The following PDGFRA variants were observed in gnomAD, a reference collection of about 807,000 sequenced individuals.
PDGFRA encodes platelet derived growth factor receptor alpha.
Under a neutral mutation model 121.5 loss-of-function variants are expected in PDGFRA, and 25 were observed. That is an observed-to-expected ratio of 0.21 (90% CI 0.15 to 0.29). The LOEUF (loss-of-function observed/expected upper bound fraction) is 0.29. PDGFRA is among the 10% of genes least tolerant of loss of function. PDGFRA has a pLI of 1.00. For synonymous variants in PDGFRA, 463 were observed against 494.8 expected, an observed-to-expected ratio of 0.94 and a Z score of 0.85; for missense variants, 1,008 against 1,345.1, an observed-to-expected ratio of 0.75 and a Z score of 3.92.
chr4:54,266,337 C>T (rs2110261962), intron 5 of PDGFRA, among the ~76,000 whole-genome samples: 1 of 151,944 alleles, frequency 6.6e-6, no homozygotes, highest in South Asian at 2.1e-4. Flanking sequence ...CTTCCCAGAG[C>T]ATCACTGTTT....
intron 8 of PDGFRA, among the ~76,000 whole-genome samples, chr4:54,271,807 CTTTGCCTTT>C: frequency 1.4e-5 from 2 of 141,404 alleles, no homozygotes; most frequent in African/African-American, 5.2e-5. Context: ...TCTCTCTTTT[CTTTGCCTTT>C]CTCTCCTTCC....
At chr4:54,255,754 C>T (rs4422471) in intron 1 of PDGFRA, among the ~76,000 whole-genome samples, 26,664 of 152,050 alleles carry the variant, frequency 0.18, 2,648 homozygotes, top group Admixed American at 0.3. Context: ...ATCTGCCCGC[C>T]TCAGCCTCCC....
chr4:54,264,172 G>T, intron 4 of PDGFRA: 1 of 557,112 alleles, frequency 1.8e-6, no homozygotes, highest in Non-Finnish European at 3.1e-6. Flanking sequence ...AATACTGTAA[G>T]GAATTCTTTT....
At chr4:54,248,827 G>A (rs1721863185) in intron 1 of PDGFRA, among the ~76,000 whole-genome samples, 4 of 152,056 alleles carry the variant, frequency 2.6e-5, no homozygotes, top group Admixed American at 1.3e-4. Flanking sequence ...ATCTGACAAA[G>A]GGCTAATATC....
chr4:54,293,780 G>A (rs1233902698), intron 22 of PDGFRA, among the ~76,000 whole-genome samples: 1 of 152,132 alleles, frequency 6.6e-6, no homozygotes, highest in African/African-American at 2.4e-5. Context: ...AGGCAGGACT[G>A]AGAATCACTG....
intron 9 of PDGFRA, among the ~76,000 whole-genome samples, chr4:54,272,898 C>T (rs1303741987): frequency 6.6e-6 from 1 of 152,150 alleles, no homozygotes; most frequent in African/African-American, 2.4e-5. Flanking sequence ...TTCCCTCCTC[C>T]CTCCCCCGAG....
At chr4:54,265,704 T>G (rs1722994457) in intron 5 of PDGFRA, among the ~76,000 whole-genome samples, 1 of 152,180 alleles carries the variant, frequency 6.6e-6, no homozygotes, top group South Asian at 2.1e-4. Context: ...TGCTGCCTCT[T>G]GGTCACTGGA....
chr4:54,233,032 C>G (rs552558967), intron 1 of PDGFRA, among the ~76,000 whole-genome samples: 19 of 152,252 alleles, frequency 1.2e-4, no homozygotes, highest in South Asian at 2.1e-4. Flanking sequence ...CCTTTCCCCC[C>G]ACCCGCCCGG....
chr4:54,241,460 T>C (rs546357617), intron 1 of PDGFRA, among the ~76,000 whole-genome samples: 53 of 152,216 alleles, frequency 3.5e-4, no homozygotes, highest in Admixed American at 3.3e-3. Flanking sequence ...CACGATAAAG[T>C]TTATACAAGA....
intron 1 of PDGFRA, among the ~76,000 whole-genome samples, chr4:54,249,551 G>T (rs890038881): frequency 1.3e-5 from 2 of 151,908 alleles, no homozygotes; most frequent in Non-Finnish European, 2.9e-5. Flanking sequence ...ACCAAATGCC[G>T]CATATTCTCA....
chr4:54,270,558 T>C, intron 7 of PDGFRA, 75 bp from the exon 8 acceptor site: 3 of 810,682 alleles, frequency 3.7e-6, no homozygotes, highest in Non-Finnish European at 6.5e-6. Context: ...AAACTTAAAT[T>C]GAAGAGTACA....
chr4:54,244,313 C>T, intron 1 of PDGFRA, among the ~76,000 whole-genome samples: 1 of 152,188 alleles, frequency 6.6e-6, no homozygotes, highest in Non-Finnish European at 1.5e-5. Flanking sequence ...CTGGGAGGCA[C>T]CCCCTAGTAG....
chr4:54,279,732 T>A (rs182918657), intron 15 of PDGFRA, among the ~76,000 whole-genome samples: 2 of 152,230 alleles, frequency 1.3e-5, no homozygotes, highest in Admixed American at 1.3e-4. Flanking sequence ...AGTCCCCAAG[T>A]CCATTGTGTC....
intron 16 of PDGFRA, among the ~76,000 whole-genome samples, chr4:54,284,953 G>A (rs1317082375): frequency 1.1e-4 from 16 of 141,858 alleles, no homozygotes; most frequent in African/African-American, 3.0e-4. Flanking sequence ...GTGTGATCTT[G>A]GCTCACTGCA....
In PDGFRA at chr4:54,296,300, C is replaced by CATA. The variant is rs1281907455; in HGVS notation, c.*1030_*1032dup. 4.3e-6 allele frequency: 1 copy of CATA among 231,648 alleles called. No homozygotes were observed. Among genetic ancestry groups the CATA allele is most frequent in the Non-Finnish European group, 8.5e-6 (1 of 117,414 alleles). 14.3% of individuals were successfully genotyped at this position (231,648 alleles called of 1,614,324 possible). On this transcript the variant is annotated 3_prime_UTR_variant, in exon 23 of 23. Transcript: ENST00000257290. ...TGTAGAGGCATAAACCTGTGCTGAA[C>CATA]ATAACTTCTCATGTATATTACCCAA...
At chr4:54,273,785 C>T (rs1018401055) in intron 10 of PDGFRA, 55 bp downstream of exon 10, 24 of 1,453,806 alleles carry the variant, frequency 1.7e-5, no homozygotes, top group Middle Eastern at 2.3e-4. Context: ...CTGCCCCAGG[C>T]GGAACTTTGA....
chr4:54,270,809 C>A, intron 8 of PDGFRA, 61 bp downstream of exon 8: 1 of 969,384 alleles, frequency 1.0e-6, no homozygotes, highest in Admixed American at 1.7e-5. Flanking sequence ...CCAAGGAAAG[C>A]CTGGCACTTT....
chr4:54,245,187 G>A (rs534471911), intron 1 of PDGFRA, among the ~76,000 whole-genome samples: 7 of 152,224 alleles, frequency 4.6e-5, no homozygotes, highest in African/African-American at 1.7e-4. Flanking sequence ...AGCAAGGCAG[G>A]CCAACATTCA....
intron 18 of PDGFRA, among the ~76,000 whole-genome samples, chr4:54,286,275 G>GA (rs1213275391): frequency 5.3e-5 from 8 of 152,060 alleles, no homozygotes; most frequent in South Asian, 2.1e-4. Context: ...AAGTGCTTAG[G>GA]ACAGTGCCTG....
Sources: allele counts gnomAD v4.1 joint callset (sites outside exome capture counted in the v4.1 genomes callset), GRCh38; gene constraint gnomAD v4.1.1; transcripts MANE v1.5; gene names NCBI Gene and HGNC (gene_info 2026-07-23, HGNC 2026-07-21).